The following HHIPL1 variants were observed in gnomAD, a reference collection of about 807,000 sequenced individuals.
HHIPL1 encodes the protein HHIP-like protein 1.
In HHIPL1, 43 loss-of-function variants were observed where a neutral mutation model predicts 61.8. The observed-to-expected ratio is 0.70, with a 90% CI of 0.55 to 0.90. The LOEUF is 0.90. Ranked by LOEUF, HHIPL1 falls within the 40% of genes least tolerant of loss-of-function variation. HHIPL1 has a pLI of 0.00. For synonymous variants in HHIPL1, 482 were observed against 515.8 expected (o/e 0.93, Z 0.89); for missense variants, 1,056 against 1,157.7 (o/e 0.91, Z 1.28).
chr14:99,605,640 A>C, the HHIPL1 span, among the ~76,000 whole-genome samples: 1 of 152,246 alleles, frequency 6.6e-6, no homozygotes, highest in Non-Finnish European at 1.5e-5. Context: ...GAGAAGATAG[A>C]CGAGCTAGAT....
At chr14:99,637,256 GAA>G in the HHIPL1 span, among the ~76,000 whole-genome samples, 2 of 142,922 alleles carry the variant, frequency 1.4e-5, no homozygotes, top group Non-Finnish European at 3.1e-5. Flanking sequence ...AAGAAAGAAA[GAA>G]AGAAAGAAAA....
intron 2 of HHIPL1, among the ~76,000 whole-genome samples, chr14:99,653,092 C>T (rs1024650141): frequency 1.3e-5 from 2 of 152,226 alleles, no homozygotes; most frequent in Admixed American, 6.5e-5. Flanking sequence ...TGAGGCCTGA[C>T]ATTTCTCCAC....
intron 1 of HHIPL1, among the ~76,000 whole-genome samples, chr14:99,646,908 C>A (rs1307760189): frequency 3.3e-5 from 5 of 151,514 alleles, no homozygotes; most frequent in African/African-American, 1.2e-4. Context: ...CTTAACCACC[C>A]CCCTGGGTGG....
the HHIPL1 span, among the ~76,000 whole-genome samples, chr14:99,632,879 G>A: frequency 2.7e-5 from 4 of 148,524 alleles, no homozygotes; most frequent in Non-Finnish European, 6.0e-5. Context: ...ATTGGTGTGT[G>A]TGTGAGAGAG....
Position 99,645,198 on chromosome 14 carries a change from G to T in HHIPL1, c.-10G>T. 4.7e-6 allele frequency: 6 copies of T among 1,278,522 alleles called. No homozygotes were observed. The highest frequency in any genetic ancestry group is 5.9e-6 in the Non-Finnish European group (6 of 1,013,368). The allele number at this position is 1,278,522 out of a possible 1,614,324, so 79.2% of individuals were successfully genotyped here. A position where few individuals can be genotyped will look rare whatever the true frequency, so the allele number is the denominator to read the frequency against. ...CCGTCCCTCCGCCTCTTCCCCCGCGGGGCGTAGCGATGGCCCGGGCCAGGG... is the reference window on the plus strand; with the variant it reads ...CCGTCCCTCCGCCTCTTCCCCCGCGTGGCGTAGCGATGGCCCGGGCCAGGG... On this transcript the variant is annotated 5_prime_UTR_variant, in exon 1 of 9. Transcript: ENST00000330710.
At chr14:99,650,478 C>T (rs925977225) in intron 1 of HHIPL1, among the ~76,000 whole-genome samples, 1 of 152,214 alleles carries the variant, frequency 6.6e-6, no homozygotes, top group Non-Finnish European at 1.5e-5. Context: ...GGCCCGCAGA[C>T]AGCCTGGAGC....
At chr14:99,657,176 G>A (rs772187731) in intron 3 of HHIPL1, 33 bp downstream of exon 3, 2 of 1,608,900 alleles carry the variant, frequency 1.2e-6, no homozygotes, top group Non-Finnish European at 1.7e-6. Flanking sequence ...TTGTGGGTTG[G>A]TCTCCATATC....
intron 6 of HHIPL1, among the ~76,000 whole-genome samples, chr14:99,664,211 G>C (rs184402779): frequency 6.6e-6 from 1 of 152,284 alleles, no homozygotes; most frequent in African/African-American, 2.4e-5. Flanking sequence ...CGCCCACCCA[G>C]GGGCCTTTGG....
chr14:99,664,859 A>C (rs2056216215), intron 6 of HHIPL1, among the ~76,000 whole-genome samples: 1 of 152,094 alleles, frequency 6.6e-6, no homozygotes, highest in African/African-American at 2.4e-5. Flanking sequence ...GACATGACAC[A>C]GGAGCCCTTG....
chr14:99,637,168 A>AAAAGAAAG, the HHIPL1 span, among the ~76,000 whole-genome samples: 4 of 110,662 alleles, frequency 3.6e-5, no homozygotes, highest in Non-Finnish European at 7.5e-5. Context: ...GAAAGAAAGA[A>AAAAGAAAG]AAAGAAAGAA....
chr14:99,669,050 T>G, intron 7 of HHIPL1: 1 of 1,460,024 alleles, frequency 6.8e-7, no homozygotes, highest in Non-Finnish European at 9.0e-7. Flanking sequence ...TTCAAGCACC[T>G]TCCCCAACCC....
chr14:99,631,328 C>T, the HHIPL1 span, among the ~76,000 whole-genome samples: 1 of 152,044 alleles, frequency 6.6e-6, no homozygotes, highest in Admixed American at 6.6e-5. Context: ...ACCTCAGCCT[C>T]CCAAAGTGCT....
chr14:99,623,852 C>T, the HHIPL1 span, among the ~76,000 whole-genome samples: 1 of 152,182 alleles, frequency 6.6e-6, no homozygotes, highest in Non-Finnish European at 1.5e-5. Flanking sequence ...CAGTGCCGGC[C>T]CAACAAGCTG....
Position 99,652,591 on chromosome 14 carries a change from G to T in HHIPL1, c.623G>T (p.Arg208Leu), listed in dbSNP as rs376667018. Residue 208 changes from arginine (R) to leucine (L), a missense_variant, in exon 2 of 9, where the codon CGC (arginine) becomes CTC (leucine). Physicochemically the swap from Arg to Leu is moderately radical, Grantham distance 102. Transcript: ENST00000330710. ...AMVHARDGTHRFFVAEQVGLV... is the reference protein window; with the variant it reads ...AMVHARDGTHLFFVAEQVGLV... ...GTCCATGCCAGGGATGGCACCCACC[G>T]CTTCTTCGTGGCCGAGCAGGTGGGG... is the stretch of plus-strand genomic sequence containing the variant. The T allele has an allele frequency of 1.2e-6, 2 of 1,612,922 alleles. No individual in the cohort carries two copies. The highest frequency in any genetic ancestry group is 2.7e-5 in the African/African-American group (2 of 74,936).
Position 99,659,427 on chromosome 14 carries a change from G to C in HHIPL1, c.1047-1G>C. ...CGCGCCCTCTCCCACCCCGCCCGCA[G>C]GTCGGCGCTGCTGGGCAAGGTGCTG... On this transcript the variant is annotated splice_acceptor_variant, in intron 3 of 8. Coordinates refer to ENST00000330710, the MANE Select transcript of HHIPL1 (RefSeq NM_001127258.3). LOFTEE classifies it high-confidence loss of function. 7 of 1,437,836 alleles carry C rather than the reference G, an allele frequency of 4.9e-6. No individual in the cohort carries two copies. The highest frequency in any genetic ancestry group is 6.4e-6 in the Non-Finnish European group (7 of 1,097,702). 89.1% of individuals were successfully genotyped at this position (1,437,836 alleles called of 1,614,324 possible).
the HHIPL1 span, among the ~76,000 whole-genome samples, chr14:99,631,052 C>CTT: frequency 0.011 from 729 of 63,768 alleles, 5 homozygotes; most frequent in South Asian, 0.033. Flanking sequence ...GCTCCATTTT[C>CTT]TTTCTTTCTT....
rs770524070 is a variant in HHIPL1 at position 99,657,043 on chromosome 14, G to A, written c.946G>A (p.Gly316Ser). 32 of 1,613,446 alleles carry A rather than the reference G, an allele frequency of 2.0e-5. No individual in the cohort carries two copies. The highest frequency in any genetic ancestry group is 2.5e-5 in the Non-Finnish European group (30 of 1,179,808). ...VKEPASNHNG[G>S]QLLFGDDGYL... ...AGAACCAGCCTCAAACCACAACGGG[G>A]GCCAGCTGCTTTTCGGGGATGACGG... Residue 316 changes from glycine to serine, a missense_variant, in exon 3 of 9, where the codon GGC (glycine) becomes AGC (serine). Transcript: ENST00000330710.
chr14:99,645,514 T>A, intron 1 of HHIPL1, 52 bp downstream of exon 1: 1 of 1,249,862 alleles, frequency 8.0e-7, no homozygotes, highest in Non-Finnish European at 1.0e-6. Flanking sequence ...GGCCGAGTCC[T>A]GGAGCAGAGA....
chr14:99,675,551 C>CG lies in HHIPL1; in HGVS notation c.2276dup (p.Val760ArgfsTer58). The CG allele has an allele frequency of 6.5e-7, 1 of 1,539,606 alleles. No individual in the cohort carries two copies. Among genetic ancestry groups the CG allele is most frequent in the African/African-American group, 1.4e-5 (1 of 73,056 alleles). ...GGAACCTGCTGGAGTGCCAGCACAA[C>CG]GGCGTGGGCACCCACAACTGCGAGC... On this transcript the variant is annotated frameshift_variant, in exon 9 of 9. Transcript: ENST00000330710. LOFTEE classifies it high-confidence loss of function. This position sits in a 1 kb window ranked among gnomAD's most constrained non-coding sequence, Gnocchi z 5.4.
Sources: gnomAD v4.1 joint callset for allele counts (sites outside exome capture counted in the v4.1 genomes callset) on GRCh38, gnomAD v4.1.1 for gene constraint, Gnocchi (gnomAD v3.1) non-coding constraint, MANE v1.5 for transcripts, NCBI Gene and HGNC (gene_info 2026-07-23, HGNC 2026-07-21) for gene names.